Variants in ARID1B observed in about 807,000 individuals in gnomAD.
The protein encoded by ARID1B is AT-rich interaction domain 1B.
Under a neutral mutation model 212.3 loss-of-function variants are expected in ARID1B, and 30 were observed. The ratio of observed to expected loss-of-function variants is 0.14; its 90% CI spans 0.11 to 0.19. ARID1B has a LOEUF of 0.19. Ranked by LOEUF, ARID1B falls within the 10% of genes least tolerant of loss-of-function variation. The pLI is 1.00. For missense variants in ARID1B, 2,891 were observed against 3,204.0 expected (o/e 0.90, Z 2.36); for synonymous variants, 1,402 against 1,301.7 (o/e 1.08, Z -1.66).
At chr6:157,196,048 G>C in intron 15 of ARID1B, 117 bp from the exon 16 acceptor site, 1 of 1,311,568 alleles carries the variant, frequency 7.6e-7, no homozygotes, top group Admixed American at 2.3e-5. Context: ...GACAGAGTGA[G>C]ACTCCATCTC....
chr6:156,877,095 G>A (rs779273305), intron 2 of ARID1B, among the ~76,000 whole-genome samples: 1 of 152,140 alleles, frequency 6.6e-6, no homozygotes, highest in Non-Finnish European at 1.5e-5. Flanking sequence ...AAGGTTCTAT[G>A]AATCCCGAAT....
At chr6:156,876,223 C>T (rs774763290) in intron 2 of ARID1B, among the ~76,000 whole-genome samples, 2 of 152,204 alleles carry the variant, frequency 1.3e-5, no homozygotes, top group Non-Finnish European at 2.9e-5. Context: ...GAATAAATCA[C>T]ATGCACAGAT....
chr6:157,157,123 C>G (rs7771189), intron 8 of ARID1B, among the ~76,000 whole-genome samples: 5,528 of 152,226 alleles, frequency 0.036, 169 homozygotes, highest in African/African-American at 0.075. Flanking sequence ...TTCCCCTCTC[C>G]GGGTCTGGGT....
At chr6:156,857,463 G>C (rs541698272) in intron 2 of ARID1B, among the ~76,000 whole-genome samples, 68 of 152,188 alleles carry the variant, frequency 4.5e-4, no homozygotes, top group African/African-American at 1.5e-3. Flanking sequence ...TTCTAGTATG[G>C]GGTTTCAAGA....
intron 2 of ARID1B, among the ~76,000 whole-genome samples, chr6:156,833,781 C>T (rs538112523): frequency 6.6e-6 from 1 of 152,172 alleles, no homozygotes; most frequent in African/African-American, 2.4e-5. Context: ...AAACAGGTTT[C>T]CTTGAAGAGG....
intron 4 of ARID1B, chr6:157,036,488 G>GACCAAAAGGCATATGCAAC: frequency 4.2e-6 from 1 of 236,320 alleles, no homozygotes; most frequent in Admixed American, 5.1e-5. Flanking sequence ...GTCAGTAAAA[G>GACCAAAAGGCATATGCAAC]ACCAAAAGGC....
At chr6:156,970,225 C>T (rs185067683) in intron 4 of ARID1B, among the ~76,000 whole-genome samples, 21 of 152,010 alleles carry the variant, frequency 1.4e-4, no homozygotes, top group Admixed American at 5.2e-4. Context: ...GGATTACAGG[C>T]GCCCACCACC....
At chr6:156,963,561 G>A (rs760291287) in intron 4 of ARID1B, among the ~76,000 whole-genome samples, 2 of 152,298 alleles carry the variant, frequency 1.3e-5, no homozygotes, top group Middle Eastern at 3.4e-3. Flanking sequence ...GTGTAACTAA[G>A]TGTTGCTTAA....
At chr6:157,120,303 A>G (rs1787619150) in intron 6 of ARID1B, among the ~76,000 whole-genome samples, 1 of 152,202 alleles carries the variant, frequency 6.6e-6, no homozygotes, top group Non-Finnish European at 1.5e-5. Flanking sequence ...AAGTTGCAGG[A>G]CCAGTCAGTA....
At chr6:156,899,080 G>T (rs1254042059) in intron 2 of ARID1B, among the ~76,000 whole-genome samples, 5 of 152,152 alleles carry the variant, frequency 3.3e-5, no homozygotes, top group Non-Finnish European at 7.4e-5. Context: ...TTTACAGAGA[G>T]CACTACAACT....
At position 157,148,553 on chromosome 6, in the gene ARID1B, A is replaced by T; in HGVS notation, c.2762-71A>T. 1.3e-6 allele frequency: 2 copies of T among 1,507,842 alleles called. No homozygotes were observed. Among genetic ancestry groups the T allele is most frequent in the East Asian group, 4.6e-5 (2 of 43,750 alleles). 93.4% of individuals were successfully genotyped at this position (1,507,842 alleles called of 1,614,324 possible). Reference sequence around the variant, plus strand: ...TCCGTGCTGATCGCATTGTTGGACAAAAAGTATTTCCAGTGAATGTTGTCA... The same window carrying T: ...TCCGTGCTGATCGCATTGTTGGACATAAAGTATTTCCAGTGAATGTTGTCA... On this transcript the variant is annotated intron_variant, in intron 7 of 19. Coordinates refer to ENST00000636930, the MANE Select transcript of ARID1B (RefSeq NM_001374828.1). The surrounding 1 kb of genome is among the most constrained non-coding windows in gnomAD (Gnocchi z 5.6).
At chr6:156,870,286 G>C (rs942723684) in intron 2 of ARID1B, 1 of 152,156 alleles carries the variant, frequency 6.6e-6, no homozygotes, top group African/African-American at 2.4e-5. Flanking sequence ...GCCTCCCCCC[G>C]GTCGTCAGAT....
chr6:157,005,060 GCAC>G (rs1357458576), intron 4 of ARID1B, among the ~76,000 whole-genome samples: 1 of 151,554 alleles, frequency 6.6e-6, no homozygotes, highest in Non-Finnish European at 1.5e-5. Context: ...CTACAGGTGT[GCAC>G]CACCACGCCT....
intron 4 of ARID1B, among the ~76,000 whole-genome samples, chr6:156,978,280 A>C (rs1777389156): frequency 6.6e-6 from 1 of 152,200 alleles, no homozygotes; most frequent in African/African-American, 2.4e-5. Context: ...TTGCTGGGGC[A>C]GTCAGAGGGT....
intron 4 of ARID1B, among the ~76,000 whole-genome samples, chr6:156,986,740 AT>A (rs1000542276): frequency 5.3e-5 from 8 of 151,582 alleles, no homozygotes; most frequent in South Asian, 4.2e-4. Context: ...TCTGGACCTA[AT>A]TTTTTTTTAA....
Position 157,025,927 on chromosome 6 carries a change from A to ATTT in ARID1B, c.2248-58722_2248-58720dup, listed in dbSNP as rs950310929. On this transcript the variant is annotated intron_variant, in intron 4 of 19. Coordinates refer to ENST00000636930, the MANE Select transcript of ARID1B (RefSeq NM_001374828.1). ...TGGCTGTAACATTGTGCTGGAATAG[A>ATTT]TTTTTTTTTTTTTTTGAGGTGGAGT... Among the ~76,000 whole-genome samples the ATTT allele has an allele frequency of 4.3e-3, 624 of 145,954 alleles. 6 individuals are homozygous for ATTT. Among genetic ancestry groups the ATTT allele is most frequent in the African/African-American group, 0.015 (594 of 40,058 alleles).
chr6:156,872,570 C>T (rs1786226149), intron 2 of ARID1B, among the ~76,000 whole-genome samples: 1 of 152,176 alleles, frequency 6.6e-6, no homozygotes, highest in South Asian at 2.1e-4. Context: ...ATCCGCGCGC[C>T]TCAGCCTCCC....
Position 157,206,899 on chromosome 6 carries a change from G to A in ARID1B, c.6127G>A (p.Glu2043Lys). The change falls in exon 20 of 20, where the codon GAG (glutamate) becomes AAG (lysine). Residue 2043 changes from glutamate to lysine, a missense_variant. Around this residue, in one of 7 missense-constraint regions of ARID1B, gnomAD observed 332 missense variants for 369.2 expected, o/e 0.90. Coordinates refer to ENST00000636930, the MANE Select transcript of ARID1B (RefSeq NM_001374828.1). This position sits in a 1 kb window ranked among gnomAD's most constrained non-coding sequence, Gnocchi z 6.8. ...AKSHRNIKLL[E>K]DEPRSRDETP... ...AAGTCACCGGAACATCAAGCTGCTG[G>A]AGGACGAGCCCAGGAGCCGAGACGA... is the stretch of plus-strand genomic sequence containing the variant. The A allele has an allele frequency of 6.2e-7, 1 of 1,614,202 alleles. No individual in the cohort carries two copies. Among genetic ancestry groups the A allele is most frequent in the Non-Finnish European group, 8.5e-7 (1 of 1,180,042 alleles).
At chr6:156,998,183 C>G (rs1778706254) in intron 4 of ARID1B, among the ~76,000 whole-genome samples, 1 of 150,950 alleles carries the variant, frequency 6.6e-6, no homozygotes, top group Non-Finnish European at 1.5e-5. Flanking sequence ...TTCTGTTTTG[C>G]TCCCCTCTCC....
Sources: gnomAD v4.1 joint callset for allele counts (sites outside exome capture counted in the v4.1 genomes callset) on GRCh38, gnomAD v4.1.1 for gene constraint, gnomAD v4.1.1 regional missense constraint, Gnocchi (gnomAD v3.1) non-coding constraint, MANE v1.5 for transcripts, NCBI Gene and HGNC (gene_info 2026-07-23, HGNC 2026-07-21) for gene names.